SGIP1: variants seen among roughly 807,000 people sequenced by gnomAD.
The protein encoded by SGIP1 is SH3-containing GRB2-like protein 3-interacting protein 1.
Under a neutral mutation model 107.5 loss-of-function variants are expected in SGIP1, and 38 were observed. That is an observed-to-expected ratio of 0.35 (90% CI 0.27 to 0.46). SGIP1 has a LOEUF of 0.46. Ranked by LOEUF, SGIP1 falls within the 20% of genes least tolerant of loss-of-function variation. The probability of loss-of-function intolerance (pLI) is 1.00; values close to 1 mark genes in which losing one functional copy is unlikely to be tolerated. For synonymous variants in SGIP1, 365 were observed against 366.1 expected (o/e 1.00, Z 0.03); for missense variants, 929 against 1,019.5 (o/e 0.91, Z 1.21).
chr1:66,678,483 A>G (rs1338528940), intron 13 of SGIP1, among the ~76,000 whole-genome samples: 1 of 152,092 alleles, frequency 6.6e-6, no homozygotes, highest in Non-Finnish European at 1.5e-5. Context: ...ATTTGTTTTT[A>G]TGGTATTTTG....
At chr1:66,697,173 A>G (rs1187548833) in intron 18 of SGIP1, among the ~76,000 whole-genome samples, 1 of 152,192 alleles carries the variant, frequency 6.6e-6, no homozygotes, top group African/African-American at 2.4e-5. Flanking sequence ...TGAGAGAGAG[A>G]GAGAGATCTT....
At chr1:66,589,171 TATATATATATATATATA>T (rs1309368792) in intron 1 of SGIP1, among the ~76,000 whole-genome samples, 2 of 9,910 alleles carry the variant, frequency 2.0e-4, no homozygotes, top group African/African-American at 1.3e-3. Context: ...TACATATATA[TATATATATATATATATA>T]TATATATATA....
At chr1:66,633,146 T>C (rs576039826) in intron 3 of SGIP1, 52 bp downstream of exon 3, 8 of 1,225,478 alleles carry the variant, frequency 6.5e-6, no homozygotes, top group Non-Finnish European at 9.5e-6. Context: ...ATATATGCTA[T>C]GTTTAAATTT....
At chr1:66,569,394 G>A (rs1419795204) in intron 1 of SGIP1, among the ~76,000 whole-genome samples, 2 of 151,874 alleles carry the variant, frequency 1.3e-5, no homozygotes. Context: ...TCAAATTGAG[G>A]TGGTTCTCCT....
At position 66,746,853 on chromosome 1, in the gene SGIP1, A is replaced by T. The variant is rs896197913; in HGVS notation, c.*3758A>T. On this transcript the variant is annotated 3_prime_UTR_variant, in exon 25 of 25. Transcript: ENST00000371037. Reference sequence around the variant, plus strand: ...CACCATGAAAAACCATTACCAAAATAAGGATAATTCCAATAACAAAACTGT... The same window carrying T: ...CACCATGAAAAACCATTACCAAAATTAGGATAATTCCAATAACAAAACTGT... 5 of 152,122 alleles carry T rather than the reference A, an allele frequency of 3.3e-5. No individual in the cohort carries two copies. Among genetic ancestry groups the T allele is most frequent in the Non-Finnish European group, 5.9e-5 (4 of 67,960 alleles). The allele number at this position is 152,122 out of a possible 1,614,324, so 9.4% of individuals were successfully genotyped here. A position where few individuals can be genotyped will look rare whatever the true frequency, so the allele number is the denominator to read the frequency against.
At chr1:66,690,392 C>T in intron 17 of SGIP1, 76 bp downstream of exon 17, 1 of 1,565,022 alleles carries the variant, frequency 6.4e-7, no homozygotes, top group Non-Finnish European at 8.7e-7. Context: ...ATCCCCAAGG[C>T]CCTGTGTTTC....
chr1:66,740,172 A>C (rs1428244552), intron 22 of SGIP1, among the ~76,000 whole-genome samples: 2 of 152,234 alleles, frequency 1.3e-5, no homozygotes, highest in Non-Finnish European at 1.5e-5. Context: ...AAAAAGGCAC[A>C]CTAGAGAAGG....
At chr1:66,742,480 TTTTTTTTG>T (rs2094483241) in intron 24 of SGIP1, among the ~76,000 whole-genome samples, 1 of 95,596 alleles carries the variant, frequency 1.0e-5, no homozygotes, top group Non-Finnish European at 2.2e-5. Flanking sequence ...TTTTTTTTTT[TTTTTTTTG>T]AGACGGAGTC....
chr1:66,681,891 G>T lies in SGIP1; in HGVS notation c.837G>T (p.Glu279Asp), dbSNP rs750305706. 1 of 1,613,320 alleles carries T rather than the reference G, an allele frequency of 6.2e-7. No individual in the cohort carries two copies. The highest frequency in any genetic ancestry group is 1.7e-5 in the Admixed American group (1 of 59,984). The change falls in exon 15 of 25, where the codon GAG becomes GAT. Residue 279 changes from glutamate (E) to aspartate (D), a missense_variant. Glu to Asp is a conservative substitution (Grantham distance 45). Coordinates refer to ENST00000371037, the MANE Select transcript of SGIP1 (RefSeq NM_032291.4). ...CAGGAAATGACCAGTCAGCCACAGA[G>T]GTCAAAATTGAAAAACTACCATCCA... ...IGPGNDQSAT[E>D]VKIEKLPSIN...
chr1:66,549,121 C>T (rs556030309), intron 1 of SGIP1, among the ~76,000 whole-genome samples: 3 of 151,546 alleles, frequency 2.0e-5, no homozygotes, highest in East Asian at 1.9e-4. Context: ...TGAGCTTAAG[C>T]TCCTTCTGGC....
intron 1 of SGIP1, among the ~76,000 whole-genome samples, chr1:66,571,822 T>C (rs1431744254): frequency 6.6e-6 from 1 of 150,502 alleles, no homozygotes; most frequent in Non-Finnish European, 1.5e-5. Flanking sequence ...TGCCTTTTCA[T>C]GACTCCAAGT....
chr1:66,742,411 G>A (rs2094474647), intron 24 of SGIP1, among the ~76,000 whole-genome samples: 2 of 141,958 alleles, frequency 1.4e-5, no homozygotes, highest in South Asian at 2.2e-4. Context: ...TACCCTTTTC[G>A]CTCTCAAAAA....
chr1:66,631,967 G>C (rs1446695913), intron 2 of SGIP1, among the ~76,000 whole-genome samples: 1 of 152,120 alleles, frequency 6.6e-6, no homozygotes, highest in Admixed American at 6.6e-5. Context: ...CTACCTTTTA[G>C]TTTCTCCCTC....
chr1:66,692,997 T>C (rs889818822), intron 17 of SGIP1, among the ~76,000 whole-genome samples: 26 of 152,314 alleles, frequency 1.7e-4, no homozygotes, highest in African/African-American at 6.3e-4. Context: ...TTGAAAAATG[T>C]ACCATTATTT....
At chr1:66,734,648 G>A (rs757909572) in intron 21 of SGIP1, among the ~76,000 whole-genome samples, 1 of 151,856 alleles carries the variant, frequency 6.6e-6, no homozygotes, top group African/African-American at 2.4e-5. Context: ...AGGAATACAG[G>A]CATGCACCAC....
chr1:66,601,974 T>C (rs1162322356), intron 1 of SGIP1, among the ~76,000 whole-genome samples: 2 of 152,252 alleles, frequency 1.3e-5, no homozygotes, highest in African/African-American at 4.8e-5. Context: ...CCTTTCTCTG[T>C]AGACCTCACC....
rs993925665 is a variant in SGIP1, at chr1:66,711,045, T to C, written c.1631-8249T>C. ...GAAAAATATACCCTTCCCAAAAATA[T>C]CAACACAAACTATTTTTATTCATTC... On this transcript the variant is annotated intron_variant, in intron 18 of 24. Coordinates refer to ENST00000371037, the MANE Select transcript of SGIP1 (RefSeq NM_032291.4). 1.1e-4 allele frequency among the ~76,000 whole-genome samples: 17 copies of C among 152,258 alleles called. No individual in the cohort carries two copies. The East Asian group carries it at 2.3e-3, about 21-fold the overall frequency.
At position 66,655,648 on chromosome 1, in the gene SGIP1, C is replaced by T. The variant is rs920841006; in HGVS notation, c.460-4865C>T. ...GGCTACAAATATGTATAGCATGTTACTATGTTGAATACCATAGGCAAATGT... is the reference window on the plus strand; with the variant it reads ...GGCTACAAATATGTATAGCATGTTATTATGTTGAATACCATAGGCAAATGT... On this transcript the variant is annotated intron_variant, in intron 7 of 24. Transcript: ENST00000371037. Among the ~76,000 whole-genome samples the T allele has an allele frequency of 2.6e-5, 4 of 152,192 alleles. No individual in the cohort carries two copies. The East Asian group carries it at 5.8e-4, about 22-fold the overall frequency.
intron 11 of SGIP1, 61 bp from the exon 12 acceptor site, chr1:66,673,220 C>A (rs939910016): frequency 6.6e-7 from 1 of 1,513,666 alleles, no homozygotes; most frequent in Non-Finnish European, 9.2e-7. Context: ...GCTTGTATAT[C>A]TTTTTGAGTA....
Sources: allele counts gnomAD v4.1 joint callset (sites outside exome capture counted in the v4.1 genomes callset), GRCh38; gene constraint gnomAD v4.1.1; transcripts MANE v1.5; gene names NCBI Gene and HGNC (gene_info 2026-07-23, HGNC 2026-07-21).